The following ATAD2B variants were observed in gnomAD, a reference collection of about 807,000 sequenced individuals.
ATAD2B encodes the protein ATPase family AAA domain containing 2B.
ATAD2B carries 40 observed loss-of-function variants against 167.6 expected under a neutral mutation model. The observed-to-expected ratio is 0.24, with a 90% CI of 0.19 to 0.31. The LOEUF is 0.31. Among genes scored for constraint, ATAD2B ranks in the 10% least tolerant of loss-of-function variants. The pLI is 1.00. For synonymous variants in ATAD2B, 579 were observed against 596.5 expected, an observed-to-expected ratio of 0.97 and a Z score of 0.43; for missense variants, 1,242 against 1,757.2, an observed-to-expected ratio of 0.71 and a Z score of 5.24.
At chr2:23,817,245 T>C (rs558826950) in intron 17 of ATAD2B, among the ~76,000 whole-genome samples, 13 of 152,218 alleles carry the variant, frequency 8.5e-5, no homozygotes, top group Admixed American at 3.3e-4. Context: ...CAGCACAGAG[T>C]CTGGCTCTGC....
chr2:23,858,793 G>A (rs957116854), intron 12 of ATAD2B, among the ~76,000 whole-genome samples: 2 of 152,016 alleles, frequency 1.3e-5, no homozygotes, highest in Admixed American at 6.6e-5. Context: ...TGCCTCATTC[G>A]TTTTCAACAG....
Position 23,757,892 on chromosome 2 carries a change from A to G in ATAD2B, c.3604T>C (p.Ser1202Pro), listed in dbSNP as rs751888267. The G allele has an allele frequency of 5.0e-6, 8 of 1,601,700 alleles. No individual in the cohort carries two copies. In the East Asian group the frequency reaches 1.8e-4, roughly 36 times the overall value. The change falls in exon 25 of 28, where the codon TCT (serine) becomes CCT (proline). Residue 1202 changes from serine (S) to proline (P), a missense_variant. Coordinates refer to ENST00000238789, the MANE Select transcript of ATAD2B (RefSeq NM_017552.4). ...EENGEETGDL[S>P]MTNDESSCDI... is the part of the protein sequence containing the mutation. Reference sequence around the variant, plus strand: ...CAGGATGATTCATCATTGGTCATAGATAAGTCTCCAGTCTCTTCTCCATTT... The same window carrying G: ...CAGGATGATTCATCATTGGTCATAGGTAAGTCTCCAGTCTCTTCTCCATTT...
chr2:23,876,782 T>A (rs1313479875), intron 7 of ATAD2B, among the ~76,000 whole-genome samples: 1 of 152,144 alleles, frequency 6.6e-6, no homozygotes, highest in East Asian at 1.9e-4. Flanking sequence ...TTAAAAAAAA[T>A]TTTAGCTGGG....
chr2:23,816,188 A>G (rs1324138073), intron 17 of ATAD2B, among the ~76,000 whole-genome samples: 1 of 152,234 alleles, frequency 6.6e-6, no homozygotes, highest in Non-Finnish European at 1.5e-5. Flanking sequence ...CTACTCTCAT[A>G]CATTAGTATG....
chr2:23,753,849 T>G (rs774162733), intron 27 of ATAD2B, among the ~76,000 whole-genome samples: 1 of 152,056 alleles, frequency 6.6e-6, no homozygotes, highest in Non-Finnish European at 1.5e-5. Context: ...CAAGCCCAAG[T>G]GACAGGCTCA....
intron 18 of ATAD2B, among the ~76,000 whole-genome samples, chr2:23,804,749 T>C (rs949346889): frequency 6.6e-6 from 1 of 151,836 alleles, no homozygotes; most frequent in East Asian, 1.9e-4. Flanking sequence ...TACCTTTACT[T>C]AAATAACATT....
chr2:23,884,906 A>G (rs1175264285), intron 5 of ATAD2B, 33 bp from the exon 6 acceptor site: 1 of 1,361,856 alleles, frequency 7.3e-7, no homozygotes, highest in Non-Finnish European at 1.0e-6. Context: ...AAATAGCAAC[A>G]TGACATTTAT....
At chr2:23,755,740 A>G (rs1302214093) in intron 25 of ATAD2B, among the ~76,000 whole-genome samples, 1 of 152,202 alleles carries the variant, frequency 6.6e-6, no homozygotes, top group Non-Finnish European at 1.5e-5. Context: ...TGCCTGCTTT[A>G]TAAAACAAAC....
At chr2:23,713,153 T>G in the ATAD2B span, among the ~76,000 whole-genome samples, 1 of 152,256 alleles carries the variant, frequency 6.6e-6, no homozygotes, top group African/African-American at 2.4e-5. Context: ...TTTCACTACG[T>G]GTACAGAATT....
chr2:23,869,845 A>C, intron 8 of ATAD2B, 84 bp from the exon 9 acceptor site: 2 of 835,828 alleles, frequency 2.4e-6, no homozygotes, highest in Non-Finnish European at 3.7e-6. Flanking sequence ...CAATTAGCTC[A>C]GAGAAAATTC....
chr2:23,841,817 G>C (rs140027676), intron 13 of ATAD2B, among the ~76,000 whole-genome samples: 218 of 152,288 alleles, frequency 1.4e-3, no homozygotes, highest in African/African-American at 5.1e-3. Context: ...CACTCATCCA[G>C]AAATTCATTC....
At chr2:23,865,619 A>G (rs56145919) in intron 10 of ATAD2B, among the ~76,000 whole-genome samples, 28,121 of 152,054 alleles carry the variant, frequency 0.18, 2,702 homozygotes, top group Middle Eastern at 0.26. Flanking sequence ...GTCCTCACAG[A>G]GGCAAAAATT....
At chr2:23,876,540 G>A (rs978671829) in intron 7 of ATAD2B, among the ~76,000 whole-genome samples, 1 of 151,694 alleles carries the variant, frequency 6.6e-6, no homozygotes, top group Admixed American at 6.6e-5. Flanking sequence ...GACCTCATGA[G>A]CCGCCCGCCT....
the ATAD2B span, among the ~76,000 whole-genome samples, chr2:23,698,798 A>C: frequency 6.6e-6 from 1 of 152,140 alleles, no homozygotes; most frequent in Non-Finnish European, 1.5e-5. Context: ...CAGGAAGCTG[A>C]CAGATTGAGC....
At chr2:23,838,665 T>C (rs1690388567) in intron 13 of ATAD2B, among the ~76,000 whole-genome samples, 1 of 152,188 alleles carries the variant, frequency 6.6e-6, no homozygotes, top group Admixed American at 6.5e-5. Flanking sequence ...GTATGATGTG[T>C]AGAGGAATCC....
At chr2:23,897,661 T>C (rs1700313342) in intron 1 of ATAD2B, among the ~76,000 whole-genome samples, 2 of 152,204 alleles carry the variant, frequency 1.3e-5, no homozygotes, top group Admixed American at 1.3e-4. Flanking sequence ...TTATGTGAGA[T>C]TTAGCTAATG....
chr2:23,897,531 A>G (rs1240552356), intron 1 of ATAD2B, among the ~76,000 whole-genome samples: 1 of 152,180 alleles, frequency 6.6e-6, no homozygotes, highest in Non-Finnish European at 1.5e-5. Context: ...TGGCATTTTA[A>G]CAGAGAGCTT....
chr2:23,923,562 T>C (rs983909845), intron 1 of ATAD2B, among the ~76,000 whole-genome samples: 6 of 151,946 alleles, frequency 3.9e-5, no homozygotes, highest in South Asian at 2.1e-4. Context: ...GACATGTCTA[T>C]GGTGTTGATG....
the ATAD2B span, among the ~76,000 whole-genome samples, chr2:23,717,261 C>CA: frequency 0.15 from 22,434 of 152,020 alleles, 2,132 homozygotes; most frequent in Non-Finnish European, 0.2. Context: ...AACAGGGACT[C>CA]ATGGGAATGC....
Sources: allele counts gnomAD v4.1 joint callset (sites outside exome capture counted in the v4.1 genomes callset), GRCh38; gene constraint gnomAD v4.1.1; transcripts MANE v1.5; gene names NCBI Gene and HGNC (gene_info 2026-07-23, HGNC 2026-07-21).